The following FRG1 variants were observed in gnomAD, a reference collection of about 807,000 sequenced individuals.
FRG1 encodes FSHD region gene 1, also known as protein FRG1.
In FRG1, 19 loss-of-function variants were observed where a neutral mutation model predicts 37.0. The ratio of observed to expected loss-of-function variants is 0.51; its 90% CI spans 0.36 to 0.75. The LOEUF is 0.75. Among genes scored for constraint, FRG1 ranks in the 30% least tolerant of loss-of-function variants. The probability of loss-of-function intolerance (pLI) is 0.00; values close to 1 mark genes in which losing one functional copy is unlikely to be tolerated. For missense variants in FRG1, 243 were observed against 301.4 expected (o/e 0.81, Z 1.44); for synonymous variants, 73 against 96.5 (o/e 0.76, Z 1.43).
intron 2 of FRG1, among the ~76,000 whole-genome samples, chr4:189,947,523 T>C (rs1736582073): frequency 6.6e-6 from 1 of 152,214 alleles, no homozygotes; most frequent in Non-Finnish European, 1.5e-5. Context: ...ACAGTGACTC[T>C]TAGTCTAGGA....
chr4:189,948,313 C>T (rs369108409), intron 2 of FRG1, among the ~76,000 whole-genome samples: 2 of 152,030 alleles, frequency 1.3e-5, no homozygotes, highest in East Asian at 1.9e-4. Flanking sequence ...TTAATAAAAA[C>T]GAGCATGTCT....
rs185480701 is a variant in FRG1, at chr4:189,950,458, A to C, written c.134-1704A>C. On this transcript the variant is annotated intron_variant, in intron 2 of 8. Transcript: ENST00000226798. ...AATCATTGCCAAATTCATGTCGTGA[A>C]GCTTTTCCCATTTTCTTCTAAAAGT... Among the ~76,000 whole-genome samples, 534 of 152,256 alleles carry C rather than the reference A, an allele frequency of 3.5e-3. 14 individuals carry two copies. Among genetic ancestry groups the C allele is most frequent in the Admixed American group, 0.029 (449 of 15,288 alleles).
intron 1 of FRG1, among the ~76,000 whole-genome samples, chr4:189,941,384 C>T (rs1224086976): frequency 6.6e-6 from 1 of 152,200 alleles, no homozygotes; most frequent in African/African-American, 2.4e-5. Context: ...AGTCTGATCT[C>T]GTAGTTCATG....
chr4:189,947,739 G>A (rs74842494), intron 2 of FRG1, among the ~76,000 whole-genome samples: 7 of 152,146 alleles, frequency 4.6e-5, no homozygotes, highest in Non-Finnish European at 8.8e-5. Context: ...GAACTTTTGC[G>A]TACTCTTTTG....
At chr4:189,954,587 GC>G (rs1736898369) in intron 4 of FRG1, among the ~76,000 whole-genome samples, 1 of 143,022 alleles carries the variant, frequency 7.0e-6, no homozygotes, top group Non-Finnish European at 1.5e-5. Flanking sequence ...GTCACATGTA[GC>G]TTTTTTCTTT....
At chr4:189,955,857 A>C (rs181718868) in intron 5 of FRG1, among the ~76,000 whole-genome samples, 7 of 152,360 alleles carry the variant, frequency 4.6e-5, no homozygotes, top group Non-Finnish European at 5.9e-5. Flanking sequence ...GGCACCACGC[A>C]GAGCAAGCAA....
chr4:189,948,808 C>T (rs73024934), intron 2 of FRG1, among the ~76,000 whole-genome samples: 2 of 149,356 alleles, frequency 1.3e-5, no homozygotes, highest in Non-Finnish European at 1.5e-5. Flanking sequence ...CTCTCACCTC[C>T]GACTCCCGAG....
chr4:189,946,321 A>C (rs1406137211), intron 2 of FRG1, among the ~76,000 whole-genome samples: 1 of 151,726 alleles, frequency 6.6e-6, no homozygotes, highest in Non-Finnish European at 1.5e-5. Flanking sequence ...CAAAAAAAAA[A>C]AAAAAGCAAA....
chr4:189,958,253 C>T (rs1737073023), intron 6 of FRG1, among the ~76,000 whole-genome samples: 1 of 152,058 alleles, frequency 6.6e-6, no homozygotes, highest in African/African-American at 2.4e-5. Flanking sequence ...AACAGTGCTG[C>T]AGTACATAAC....
At chr4:189,941,309 C>T (rs1736286364) in intron 1 of FRG1, among the ~76,000 whole-genome samples, 1 of 152,166 alleles carries the variant, frequency 6.6e-6, no homozygotes, top group Non-Finnish European at 1.5e-5. Flanking sequence ...GACCCGTGAC[C>T]CCGTACCCAC....
chr4:189,954,468 T>A (rs1330019248), intron 4 of FRG1, among the ~76,000 whole-genome samples: 1 of 152,088 alleles, frequency 6.6e-6, no homozygotes, highest in South Asian at 2.1e-4. Context: ...TGAAGAATGA[T>A]GAATTTCAAA....
chr4:189,943,359 G>T, intron 2 of FRG1, 87 bp downstream of exon 2: 1 of 1,459,032 alleles, frequency 6.9e-7, no homozygotes, highest in South Asian at 1.4e-5. Context: ...AGAAATTTAT[G>T]ATGTATTCAT....
At chr4:189,942,329 TTCA>T (rs1190333818) in intron 1 of FRG1, among the ~76,000 whole-genome samples, 1 of 152,176 alleles carries the variant, frequency 6.6e-6, no homozygotes, top group Non-Finnish European at 1.5e-5. Context: ...GCTCAGCATT[TTCA>T]TCATCTCAGA....
intron 2 of FRG1, among the ~76,000 whole-genome samples, chr4:189,945,879 C>T (rs888427303): frequency 6.6e-6 from 1 of 152,074 alleles, no homozygotes; most frequent in Non-Finnish European, 1.5e-5. Flanking sequence ...GTGAAGTCAG[C>T]TGAACCCGGA....
rs1467705484 is a variant in FRG1 at position 189,943,292 on chromosome 4, T to C, written c.133+20T>C. ...TTGTTGGTGAGTCAGTTTTCAGTGC[T>C]CTATTCTGAAAAAAGTTAATGTTTC... On this transcript the variant is annotated intron_variant, in intron 2 of 8. Coordinates refer to ENST00000226798, the MANE Select transcript of FRG1 (RefSeq NM_004477.3). 5 of 1,589,150 alleles carry C rather than the reference T, an allele frequency of 3.1e-6. No individual in the cohort carries two copies. Among genetic ancestry groups the C allele is most frequent in the Non-Finnish European group, 4.3e-6 (5 of 1,173,010 alleles).
In FRG1 at chr4:189,943,717, T is replaced by C. The variant is rs528292429; in HGVS notation, c.133+445T>C. Among the ~76,000 whole-genome samples the C allele has an allele frequency of 7.5e-4, 114 of 152,316 alleles. 1 individual carries two copies. Among genetic ancestry groups the C allele is most frequent in the Non-Finnish European group, 1.2e-3 (79 of 68,010 alleles). On this transcript the variant is annotated intron_variant, in intron 2 of 8. Coordinates refer to ENST00000226798, the MANE Select transcript of FRG1 (RefSeq NM_004477.3). ...GAAAATTTTAAATACAACATCAGGG[T>C]AGCCTGTAAATGATACTAGAAATAA...
chr4:189,941,719 T>TA, intron 1 of FRG1: 2 of 273,232 alleles, frequency 7.3e-6, no homozygotes, highest in South Asian at 6.3e-5. Context: ...AGAGAACATA[T>TA]ATGCAGAAAA....
chr4:189,951,597 A>ACTGGGGT (rs1325558597), intron 2 of FRG1, among the ~76,000 whole-genome samples: 1 of 152,118 alleles, frequency 6.6e-6, no homozygotes, highest in African/African-American at 2.4e-5. Flanking sequence ...GAAATAGATG[A>ACTGGGGT]CTGGGGTCTA....
chr4:189,957,791 T>C (rs1473164458), intron 6 of FRG1, among the ~76,000 whole-genome samples: 1 of 152,184 alleles, frequency 6.6e-6, no homozygotes, highest in Non-Finnish European at 1.5e-5. Flanking sequence ...TTCATTTTCT[T>C]GTTTTCTTGC....
Sources: allele counts gnomAD v4.1 joint callset (sites outside exome capture counted in the v4.1 genomes callset), GRCh38; gene constraint gnomAD v4.1.1; transcripts MANE v1.5; gene names NCBI Gene and HGNC (gene_info 2026-07-23, HGNC 2026-07-21).